The following EPB41L4A variants were observed in gnomAD, a reference collection of about 807,000 sequenced individuals.
EPB41L4A encodes erythrocyte membrane protein band 4.1 like 4A, also known as band 4.1-like protein 4A.
A neutral mutation model predicts 108.6 loss-of-function variants in EPB41L4A; 100 were observed. That is an observed-to-expected ratio of 0.92 (90% confidence interval 0.78 to 1.09). EPB41L4A has a LOEUF of 1.09. Among genes scored for constraint, EPB41L4A ranks in the 50% least tolerant of loss-of-function variants. The pLI is 0.00. For missense variants in EPB41L4A, 1,030 were observed against 842.7 expected (o/e 1.22, Z -2.75); for synonymous variants, 319 against 289.0 (o/e 1.10, Z -1.05).
At chr5:112,207,666 G>GA (rs1762536283) in intron 13 of EPB41L4A, among the ~76,000 whole-genome samples, 1 of 151,946 alleles carries the variant, frequency 6.6e-6, no homozygotes, top group Non-Finnish European at 1.5e-5. Context: ...ACAAATACAT[G>GA]AAAAAATGCT....
chr5:112,394,591 G>C (rs1458890059), intron 1 of EPB41L4A, among the ~76,000 whole-genome samples: 1 of 152,014 alleles, frequency 6.6e-6, no homozygotes, highest in Non-Finnish European at 1.5e-5. Flanking sequence ...AAATAAAAGA[G>C]GACACAAACA....
chr5:112,342,740 G>A lies in EPB41L4A; in HGVS notation c.100-35250C>T, dbSNP rs77723627. On this transcript the variant is annotated intron_variant, in intron 1 of 22. Transcript: ENST00000261486. ...ATAAGAGAGCACCACTGAGACTCTC[G>A]TAGGTCACTTTTATGCTGCCAGTTG... 4.0e-3 allele frequency among the ~76,000 whole-genome samples: 615 copies of A among 152,240 alleles called. 19 individuals are homozygous for A. The East Asian group carries it at 0.066, about 16-fold the overall frequency.
chr5:112,356,774 C>G (rs1462431645), intron 1 of EPB41L4A, among the ~76,000 whole-genome samples: 1 of 152,200 alleles, frequency 6.6e-6, no homozygotes, highest in African/African-American at 2.4e-5. Flanking sequence ...CAGTAACACA[C>G]ATGCAAGCTT....
rs1181366056 is a variant in EPB41L4A, at chr5:112,223,726, C to T, written c.1087+10908G>A. Among the ~76,000 whole-genome samples the T allele has an allele frequency of 2.0e-5, 3 of 152,322 alleles. No individual in the cohort carries two copies. The East Asian group carries it at 5.8e-4, about 29-fold the overall frequency. On this transcript the variant is annotated intron_variant, in intron 12 of 22. Transcript: ENST00000261486. ...CGACTAGTCTAAGGTTGTGTTCACA[C>T]ACAACTCAAAGGCAGAGACAAAGCT... is the stretch of plus-strand genomic sequence containing the variant.
intron 2 of EPB41L4A, among the ~76,000 whole-genome samples, chr5:112,288,089 A>C (rs1753402689): frequency 6.6e-6 from 1 of 152,212 alleles, no homozygotes; most frequent in Non-Finnish European, 1.5e-5. Context: ...CTGTCAGGTA[A>C]ACATGCTATA....
intron 17 of EPB41L4A, 51 bp downstream of exon 17, chr5:112,194,517 G>T: frequency 1.8e-6 from 2 of 1,107,532 alleles, no homozygotes; most frequent in South Asian, 1.5e-5. Context: ...CTACCACCAA[G>T]GGCAGCCTCT....
Position 112,301,046 on chromosome 5 carries a change from G to A in EPB41L4A, c.204+6340C>T, listed in dbSNP as rs146538258. Among the ~76,000 whole-genome samples the A allele has an allele frequency of 5.5e-3, 828 of 151,766 alleles. 6 individuals are homozygous for A. Among genetic ancestry groups the A allele is most frequent in the African/African-American group, 0.013 (554 of 41,372 alleles). On this transcript the variant is annotated intron_variant, in intron 2 of 22. Transcript: ENST00000261486. ...TATTTCACTGAAGATTCCTCCCCTC[G>A]TTCCTTGTATCATTTTTTTTGATTT... is the stretch of plus-strand genomic sequence containing the variant.
At position 112,361,384 on chromosome 5, in the gene EPB41L4A, A is replaced by C. The variant is rs541516434; in HGVS notation, c.100-53894T>G. Among the ~76,000 whole-genome samples, 234 of 152,344 alleles carry C rather than the reference A, an allele frequency of 1.5e-3. 2 individuals carry two copies. Among genetic ancestry groups the C allele is most frequent in the South Asian group, 0.01 (49 of 4,828 alleles). On this transcript the variant is annotated intron_variant, in intron 1 of 22. Coordinates refer to ENST00000261486, the MANE Select transcript of EPB41L4A (RefSeq NM_022140.5). ...GTACCCAGGGACACAAACACTGCAG[A>C]AGGCGGCAGGGCCCTCTGCCTAGGA...
intron 12 of EPB41L4A, among the ~76,000 whole-genome samples, chr5:112,148,134 T>C (rs1475424618): frequency 6.8e-6 from 1 of 147,982 alleles, no homozygotes; most frequent in Non-Finnish European, 1.5e-5. Context: ...AATATAATAG[T>C]ATTACTATAT....
chr5:112,373,065 G>C (rs1759592895), intron 1 of EPB41L4A, among the ~76,000 whole-genome samples: 1 of 152,182 alleles, frequency 6.6e-6, no homozygotes, highest in African/African-American at 2.4e-5. Context: ...AATGTATTCA[G>C]ATATAAACTC....
intron 1 of EPB41L4A, among the ~76,000 whole-genome samples, chr5:112,373,153 G>A (rs1257247161): frequency 6.6e-6 from 1 of 152,188 alleles, no homozygotes; most frequent in Non-Finnish European, 1.5e-5. Flanking sequence ...ATAAAGGAAG[G>A]CAAGTGAGGA....
chr5:112,273,638 AC>A (rs1481938356), intron 4 of EPB41L4A, among the ~76,000 whole-genome samples: 4 of 152,168 alleles, frequency 2.6e-5, no homozygotes, highest in African/African-American at 9.7e-5. Flanking sequence ...GCTTACAAAA[AC>A]CTTGAAACAG....
At chr5:112,223,779 C>T (rs1362211183) in intron 12 of EPB41L4A, among the ~76,000 whole-genome samples, 3 of 152,144 alleles carry the variant, frequency 2.0e-5, no homozygotes, top group Non-Finnish European at 4.4e-5. Context: ...GAAGGAATGT[C>T]TTCTTTTTAT....
At chr5:112,322,768 C>T (rs193296094) in intron 1 of EPB41L4A, among the ~76,000 whole-genome samples, 2 of 151,982 alleles carry the variant, frequency 1.3e-5, no homozygotes, top group East Asian at 3.9e-4. Flanking sequence ...TCTTCCACTA[C>T]TTGATGTTTT....
At chr5:112,390,973 T>A (rs984565034) in intron 1 of EPB41L4A, among the ~76,000 whole-genome samples, 5 of 152,162 alleles carry the variant, frequency 3.3e-5, no homozygotes, top group African/African-American at 1.2e-4. Context: ...GACCTGCAGC[T>A]GAGGGACCTG....
rs1367727367 is a variant in EPB41L4A, at chr5:112,188,272, T to TG, written c.1503-4138dup. Among the ~76,000 whole-genome samples the TG allele has an allele frequency of 9.8e-5, 15 of 152,308 alleles. No individual in the cohort carries two copies. In the East Asian group the frequency reaches 2.9e-3, roughly 29 times the overall value. On this transcript the variant is annotated intron_variant, in intron 17 of 22. Transcript: ENST00000261486. ...GAAATGTATGTTGGTTCCAGGCATG[T>TG]GTCGACATACTCCCTTAAGACCAGC...
intron 1 of EPB41L4A, among the ~76,000 whole-genome samples, chr5:112,350,644 C>T (rs1466562302): frequency 6.6e-6 from 1 of 152,142 alleles, no homozygotes; most frequent in Non-Finnish European, 1.5e-5. Context: ...CCAAATACAC[C>T]ATACTGGGCC....
chr5:112,375,934 C>G (rs1759791383), intron 1 of EPB41L4A, among the ~76,000 whole-genome samples: 1 of 152,128 alleles, frequency 6.6e-6, no homozygotes, highest in Admixed American at 6.5e-5. Context: ...TCTGTGCCTC[C>G]AAGGGGTTAG....
At chr5:112,397,182 T>C (rs1045816292) in intron 1 of EPB41L4A, among the ~76,000 whole-genome samples, 2 of 152,162 alleles carry the variant, frequency 1.3e-5, no homozygotes, top group Admixed American at 6.5e-5. Flanking sequence ...AGTGAGAAAA[T>C]GAAGTATTTG....
Sources: gnomAD v4.1 joint callset for allele counts (sites outside exome capture counted in the v4.1 genomes callset) on GRCh38, gnomAD v4.1.1 for gene constraint, MANE v1.5 for transcripts, NCBI Gene and HGNC (gene_info 2026-07-23, HGNC 2026-07-21) for gene names.